Variants in CPEB3 observed in about 807,000 individuals in gnomAD.
The protein encoded by CPEB3 is cytoplasmic polyadenylation element binding protein 3.
Under a neutral mutation model 67.2 loss-of-function variants are expected in CPEB3, and 20 were observed. The ratio of observed to expected loss-of-function variants is 0.30; its 90% CI spans 0.21 to 0.43. The LOEUF (loss-of-function observed/expected upper bound fraction) is 0.43. Ranked by LOEUF, CPEB3 falls within the 20% of genes least tolerant of loss-of-function variation. The probability of loss-of-function intolerance (pLI) is 1.00; values close to 1 mark genes in which losing one functional copy is unlikely to be tolerated. For missense variants in CPEB3, 746 were observed against 968.6 expected, an observed-to-expected ratio of 0.77 and a Z score of 3.05; for synonymous variants, 376 against 393.1, an observed-to-expected ratio of 0.96 and a Z score of 0.51.
chr10:92,084,664 C>A (rs981596320), intron 8 of CPEB3, among the ~76,000 whole-genome samples: 1 of 152,150 alleles, frequency 6.6e-6, no homozygotes, highest in African/African-American at 2.4e-5. Flanking sequence ...ACTGCAAGCT[C>A]TGCCTCCTGG....
chr10:92,139,162 A>C (rs1273613947), intron 6 of CPEB3, among the ~76,000 whole-genome samples: 1 of 152,110 alleles, frequency 6.6e-6, no homozygotes, highest in African/African-American at 2.4e-5. Flanking sequence ...CTGTAATCCC[A>C]GCTACTCGGG....
intron 2 of CPEB3, among the ~76,000 whole-genome samples, chr10:92,194,961 G>A (rs750981324): frequency 4.0e-5 from 6 of 151,644 alleles, no homozygotes; most frequent in African/African-American, 7.3e-5. Flanking sequence ...GGAGAATGGC[G>A]TGAACCTGGG....
At chr10:92,146,597 A>C (rs575246981) in intron 4 of CPEB3, among the ~76,000 whole-genome samples, 1 of 152,234 alleles carries the variant, frequency 6.6e-6, no homozygotes, top group African/African-American at 2.4e-5. Context: ...CAAAAAAGTT[A>C]AAGTTATTAA....
rs554721601 is a variant in CPEB3, at chr10:92,210,763, C to T, written c.1006-18127G>A. ...ATTTAAAGCTATAAATATGGCCAGGCGTGGTGGCTCATGCCTGTAATCCCA... is the reference window on the plus strand; with the variant it reads ...ATTTAAAGCTATAAATATGGCCAGGTGTGGTGGCTCATGCCTGTAATCCCA... On this transcript the variant is annotated intron_variant, in intron 2 of 9. Transcript: ENST00000265997. Among the ~76,000 whole-genome samples the T allele has an allele frequency of 1.8e-3, 276 of 152,304 alleles. 1 individual carries two copies. The highest frequency in any genetic ancestry group is 6.4e-3 in the African/African-American group (266 of 41,556).
intron 9 of CPEB3, among the ~76,000 whole-genome samples, chr10:92,070,494 T>C (rs1842711683): frequency 6.6e-6 from 1 of 152,052 alleles, no homozygotes; most frequent in African/African-American, 2.4e-5. Flanking sequence ...AATTCAGATA[T>C]GGCCGGACAC....
intron 6 of CPEB3, chr10:92,119,279 T>A: frequency 6.5e-7 from 1 of 1,544,692 alleles, no homozygotes; most frequent in South Asian, 1.1e-5. Flanking sequence ...TAGATCCTTT[T>A]GCACTTTCAG....
intron 2 of CPEB3, among the ~76,000 whole-genome samples, chr10:92,219,193 T>A (rs1209290614): frequency 6.6e-6 from 1 of 152,236 alleles, no homozygotes; most frequent in African/African-American, 2.4e-5. Flanking sequence ...TGCTTGCCTA[T>A]GGCTTGCTTG....
At chr10:92,130,955 G>A (rs1207488461) in intron 6 of CPEB3, among the ~76,000 whole-genome samples, 1 of 152,136 alleles carries the variant, frequency 6.6e-6, no homozygotes, top group African/African-American at 2.4e-5. Flanking sequence ...TCAGCAAGAG[G>A]GGGTATTATT....
At chr10:92,135,930 A>C (rs905177904) in intron 6 of CPEB3, among the ~76,000 whole-genome samples, 3 of 144,880 alleles carry the variant, frequency 2.1e-5, no homozygotes, top group African/African-American at 7.6e-5. Context: ...CAAACACTGC[A>C]TGTTCTCACT....
At chr10:92,198,325 CAG>C (rs1438858782) in intron 2 of CPEB3, among the ~76,000 whole-genome samples, 1 of 152,148 alleles carries the variant, frequency 6.6e-6, no homozygotes, top group Non-Finnish European at 1.5e-5. Flanking sequence ...TGTCACAATC[CAG>C]AGACAGGTTT....
At chr10:92,175,277 A>G (rs1848173190) in intron 4 of CPEB3, among the ~76,000 whole-genome samples, 1 of 151,282 alleles carries the variant, frequency 6.6e-6, no homozygotes, top group Non-Finnish European at 1.5e-5. Context: ...ACTTAGCATA[A>G]TTATTTTGAC....
At chr10:92,213,600 C>T (rs1180698203) in intron 2 of CPEB3, among the ~76,000 whole-genome samples, 2 of 152,142 alleles carry the variant, frequency 1.3e-5, no homozygotes, top group Non-Finnish European at 2.9e-5. Flanking sequence ...TAAGAACAGG[C>T]TATAAACATG....
In CPEB3 at chr10:92,260,504, C is replaced by T. The variant is rs368995602; in HGVS notation, c.-11-20143G>A. On this transcript the variant is annotated intron_variant, in intron 1 of 9. Transcript: ENST00000265997. ...AAGCAGAGGTTTCAGTGAGCCGGGACCACACCACTGCACTCCAGCCTGGGC... is the reference window on the plus strand; with the variant it reads ...AAGCAGAGGTTTCAGTGAGCCGGGATCACACCACTGCACTCCAGCCTGGGC... Among the ~76,000 whole-genome samples, 13 of 150,574 alleles carry T rather than the reference C, an allele frequency of 8.6e-5. No individual in the cohort carries two copies. The East Asian group carries it at 2.0e-3, about 23-fold the overall frequency.
At chr10:92,194,779 C>T (rs1438195487) in intron 2 of CPEB3, among the ~76,000 whole-genome samples, 2 of 152,100 alleles carry the variant, frequency 1.3e-5, no homozygotes, top group Non-Finnish European at 2.9e-5. Flanking sequence ...CGGTGGCTCA[C>T]GCCTGTAATC....
intron 8 of CPEB3, among the ~76,000 whole-genome samples, chr10:92,090,770 A>T (rs2133294330): frequency 6.6e-6 from 1 of 152,248 alleles, no homozygotes; most frequent in East Asian, 1.9e-4. Flanking sequence ...CCATCTCATA[A>T]TGCTTTTCAC....
At chr10:92,064,872 T>A (rs935569457) in intron 9 of CPEB3, among the ~76,000 whole-genome samples, 2 of 152,238 alleles carry the variant, frequency 1.3e-5, no homozygotes, top group African/African-American at 4.8e-5. Context: ...CTCTGATACC[T>A]CTTAGGAATG....
At chr10:92,093,497 C>T (rs1304214101) in intron 7 of CPEB3, among the ~76,000 whole-genome samples, 2 of 151,892 alleles carry the variant, frequency 1.3e-5, no homozygotes, top group East Asian at 3.9e-4. Context: ...CAGTTAGAAA[C>T]AGTCTACACT....
chr10:92,283,969 C>T (rs777428072), intron 1 of CPEB3, among the ~76,000 whole-genome samples: 1 of 151,174 alleles, frequency 6.6e-6, no homozygotes, highest in Non-Finnish European at 1.5e-5. Flanking sequence ...CTCAGGTGAT[C>T]CACCTGCCTC....
chr10:92,145,112 C>T, intron 4 of CPEB3, 27 bp from the exon 5 acceptor site: 1 of 1,612,214 alleles, frequency 6.2e-7, no homozygotes, highest in Non-Finnish European at 8.5e-7. Context: ...AGAAGATCGA[C>T]CTGAAACAAA....
Sources: allele counts gnomAD v4.1 joint callset (sites outside exome capture counted in the v4.1 genomes callset), GRCh38; gene constraint gnomAD v4.1.1; transcripts MANE v1.5; gene names NCBI Gene and HGNC (gene_info 2026-07-23, HGNC 2026-07-21).